The following NUFIP2 variants were observed in gnomAD, a reference collection of about 807,000 sequenced individuals.
The protein encoded by NUFIP2 is FMR1-interacting protein NUFIP2.
Under a neutral mutation model 56.9 loss-of-function variants are expected in NUFIP2, and 6 were observed. That is an observed-to-expected ratio of 0.11 (90% CI 0.06 to 0.21). The LOEUF is 0.21. Ranked by LOEUF, NUFIP2 falls within the 10% of genes least tolerant of loss-of-function variation. The pLI is 1.00. For missense variants in NUFIP2, 828 were observed against 826.8 expected (o/e 1.00, Z -0.02); for synonymous variants, 321 against 298.2 (o/e 1.08, Z -0.79).
intron 2 of NUFIP2, among the ~76,000 whole-genome samples, chr17:29,275,088 G>A (rs775900618): frequency 2.8e-4 from 43 of 151,526 alleles, no homozygotes; most frequent in Admixed American, 5.3e-4. Context: ...GCTCGATCTC[G>A]GCTCACTGCA....
At chr17:29,267,561 A>T in intron 2 of NUFIP2, 31 bp from the exon 3 acceptor site, 1 of 1,385,966 alleles carries the variant, frequency 7.2e-7, no homozygotes, top group Non-Finnish European at 1.0e-6. Flanking sequence ...TTACATACTA[A>T]GTTTTGGTGA....
At chr17:29,275,860 T>C (rs1567678281) in intron 2 of NUFIP2, among the ~76,000 whole-genome samples, 1 of 151,918 alleles carries the variant, frequency 6.6e-6, no homozygotes, top group Non-Finnish European at 1.5e-5. Flanking sequence ...AAACCCCGTC[T>C]CTACTAAAAA....
chr17:29,271,751 C>T (rs553893512), intron 2 of NUFIP2, among the ~76,000 whole-genome samples: 1 of 152,072 alleles, frequency 6.6e-6, no homozygotes, highest in East Asian at 1.9e-4. Context: ...TTGCATGATG[C>T]TATGCTTAAC....
At chr17:29,275,011 G>A (rs1388604660) in intron 2 of NUFIP2, among the ~76,000 whole-genome samples, 3 of 151,270 alleles carry the variant, frequency 2.0e-5, no homozygotes, top group South Asian at 2.1e-4. Flanking sequence ...GAATATATAC[G>A]GTCTGAACTC....
intron 2 of NUFIP2, among the ~76,000 whole-genome samples, chr17:29,275,804 G>C (rs968392673): frequency 1.3e-5 from 2 of 152,000 alleles, no homozygotes; most frequent in Non-Finnish European, 2.9e-5. Context: ...AAGGCGGGTG[G>C]ATCACTTGCG....
chr17:29,294,084 T>C lies in NUFIP2; in HGVS notation c.-25A>G, dbSNP rs2069237431. ...TTGAAAGCGGCTGGGACTCCCTGGCTGAGGCTGCGGGCTGCTGCACCGTCA... is the reference window on the plus strand; with the variant it reads ...TTGAAAGCGGCTGGGACTCCCTGGCCGAGGCTGCGGGCTGCTGCACCGTCA... On this transcript the variant is annotated 5_prime_UTR_variant, in exon 1 of 4. Coordinates refer to ENST00000225388, the MANE Select transcript of NUFIP2 (RefSeq NM_020772.3). 3.2e-6 allele frequency: 5 copies of C among 1,574,872 alleles called. No individual in the cohort carries two copies. Among genetic ancestry groups the C allele is most frequent in the African/African-American group, 1.3e-5 (1 of 74,580 alleles).
chr17:29,265,210 G>C (rs1429874357), intron 3 of NUFIP2, among the ~76,000 whole-genome samples: 1 of 152,138 alleles, frequency 6.6e-6, no homozygotes, highest in Admixed American at 6.5e-5. Flanking sequence ...TCTGGAAGAA[G>C]ACTCCAGGGT....
intron 1 of NUFIP2, among the ~76,000 whole-genome samples, chr17:29,292,085 A>G (rs1188082666): frequency 6.6e-6 from 1 of 152,152 alleles, no homozygotes; most frequent in Non-Finnish European, 1.5e-5. Context: ...TATTAAACTC[A>G]CTTCTCGTGA....
rs1296745178 is a variant in NUFIP2 at position 29,258,375 on chromosome 17, TTTGA to T, written c.*6160_*6163del. The T allele has an allele frequency of 1.3e-4, 20 of 152,164 alleles. No homozygotes were observed. Among genetic ancestry groups the T allele is most frequent in the African/African-American group, 4.8e-4 (20 of 41,430 alleles). 9.4% of individuals were successfully genotyped at this position (152,164 alleles called of 1,614,324 possible). ...AAAAGACAAGAGAAACAGCTGGAGTTTTGATTGATTTGATTTAAACTAAATCTGA... is the reference window on the plus strand; with the variant it reads ...AAAAGACAAGAGAAACAGCTGGAGTTTTGATTTGATTTAAACTAAATCTGA... On this transcript the variant is annotated 3_prime_UTR_variant, in exon 4 of 4. Coordinates refer to ENST00000225388, the MANE Select transcript of NUFIP2 (RefSeq NM_020772.3).
intron 2 of NUFIP2, among the ~76,000 whole-genome samples, chr17:29,272,240 C>CT (rs750900881): frequency 0.079 from 10,491 of 133,126 alleles, 572 homozygotes; most frequent in Non-Finnish European, 0.11. Flanking sequence ...GAAATGTGTT[C>CT]TTTTTTTTTT....
At chr17:29,264,644 C>T (rs902637663) in intron 3 of NUFIP2, 53 bp from the exon 4 acceptor site, 25 of 1,138,122 alleles carry the variant, frequency 2.2e-5, no homozygotes, top group Middle Eastern at 4.1e-4. Flanking sequence ...TCAAAATGCC[C>T]GTATTCCAAT....
At chr17:29,274,631 G>A (rs1359160046) in intron 2 of NUFIP2, among the ~76,000 whole-genome samples, 1 of 152,142 alleles carries the variant, frequency 6.6e-6, no homozygotes, top group Non-Finnish European at 1.5e-5. Flanking sequence ...GAGATTTAGA[G>A]AAAGAACATT....
chr17:29,294,101 G>C lies in NUFIP2; in HGVS notation c.-42C>G. 6.4e-7 allele frequency: 1 copy of C among 1,558,444 alleles called. No homozygotes were observed. The highest frequency in any genetic ancestry group is 8.7e-7 in the Non-Finnish European group (1 of 1,151,602). ...TCCCTGGCTGAGGCTGCGGGCTGCT[G>C]CACCGTCAGGATCTGAGACTGCTTC... On this transcript the variant is annotated 5_prime_UTR_variant, in exon 1 of 4. Coordinates refer to ENST00000225388, the MANE Select transcript of NUFIP2 (RefSeq NM_020772.3).
rs748104486 is a variant in NUFIP2 at position 29,286,625 on chromosome 17, T to C, written c.1369A>G (p.Met457Val). 1.9e-6 allele frequency: 3 copies of C among 1,614,196 alleles called. No individual in the cohort carries two copies. The highest frequency in any genetic ancestry group is 2.7e-5 in the African/African-American group (2 of 75,064). The change falls in exon 2 of 4, where the codon ATG (methionine) becomes GTG (valine). Residue 457 changes from methionine (M) to valine (V), a missense_variant. Met to Val is a conservative substitution (Grantham distance 21, BLOSUM62 1). This residue lies in a region of NUFIP2 where 404 missense variants were observed against 380.3 expected (regional missense o/e 1.06). Coordinates refer to ENST00000225388, the MANE Select transcript of NUFIP2 (RefSeq NM_020772.3). ...SSGTDSVLQD[M>V]SLTSAAVEQI... ...TCAACAGCTGCTGAAGTTAGACTCA[T>C]GTCCTGGAGAACTGAATCTGTCCCA...
chr17:29,287,597 T>C lies in NUFIP2; in HGVS notation c.397A>G (p.Thr133Ala). The change falls in exon 2 of 4, where the codon ACT (threonine) becomes GCT (alanine). Residue 133 changes from threonine (T) to alanine (A), a missense_variant. By Grantham distance (58) the Thr-to-Ala change is moderately conservative. This residue lies in a region of NUFIP2 where 415 missense variants were observed against 408.7 expected (regional missense o/e 1.02). Transcript: ENST00000225388. ...VLNGNQQVVD[T>A]SLKQTVKANT... ...GCCTTTACAGTCTGCTTCAGGCTAG[T>C]GTCTACAACTTGCTGGTTGCCATTG... 13 of 1,614,184 alleles carry C rather than the reference T, an allele frequency of 8.1e-6. No homozygotes were observed. Among genetic ancestry groups the C allele is most frequent in the East Asian group, 2.2e-5 (1 of 44,882 alleles).
In NUFIP2 at chr17:29,287,402, T is replaced by C. The variant is rs927950635; in HGVS notation, c.592A>G (p.Ile198Val). The C allele has an allele frequency of 6.2e-7, 1 of 1,614,052 alleles. No homozygotes were observed. The change falls in exon 2 of 4, where the codon ATT becomes GTT. Residue 198 changes from isoleucine (I) to valine (V), a missense_variant. Transcript: ENST00000225388. ...NGVVTNNSGY[I>V]TNGYMGKGAD... is the part of the protein sequence containing the mutation. ...CCTTTACCCATATAACCATTAGTAA[T>C]ATAACCAGAATTATTTGTTACCACA...
chr17:29,284,596 C>T (rs1204930440), intron 2 of NUFIP2, among the ~76,000 whole-genome samples: 4 of 146,608 alleles, frequency 2.7e-5, no homozygotes, highest in Admixed American at 1.4e-4. Context: ...ATCCCAGCTA[C>T]GTGGGAGGCT....
Position 29,287,365 on chromosome 17 carries a change from T to C in NUFIP2, c.629A>G (p.Asp210Gly). The C allele has an allele frequency of 6.2e-7, 1 of 1,614,150 alleles. No individual in the cohort carries two copies. The change falls in exon 2 of 4, where the codon GAT (aspartate) becomes GGT (glycine). Residue 210 changes from aspartate to glycine, a missense_variant. Physicochemically the swap from Asp to Gly is moderately conservative, Grantham distance 94. Coordinates refer to ENST00000225388, the MANE Select transcript of NUFIP2 (RefSeq NM_020772.3). ...ATATCCGCTCTCAGATCCACTACCA[T>C]CATTATCTGCTCCTTTACCCATATA... ...NGYMGKGADNDGSGSESGYTT... is the reference protein window; with the variant it reads ...NGYMGKGADNGGSGSESGYTT...
rs1598426928 is a variant in NUFIP2 at position 29,256,805 on chromosome 17, A to C, written c.*7734T>G. On this transcript the variant is annotated 3_prime_UTR_variant, in exon 4 of 4. Transcript: ENST00000225388. ...CTTGAACCAAATGTACCCAACTCCT[A>C]AACTTGTTCTAATCAGCTTGGGCAA... 6.6e-6 allele frequency: 1 copy of C among 152,224 alleles called. No individual in the cohort carries two copies. Among genetic ancestry groups the C allele is most frequent in the Admixed American group, 6.5e-5 (1 of 15,286 alleles). 9.4% of individuals were successfully genotyped at this position (152,224 alleles called of 1,614,324 possible). A position where few individuals can be genotyped will look rare whatever the true frequency, so the allele number is the denominator to read the frequency against.
Sources: gnomAD v4.1 joint callset for allele counts (sites outside exome capture counted in the v4.1 genomes callset) on GRCh38, gnomAD v4.1.1 for gene constraint, gnomAD v4.1.1 regional missense constraint, MANE v1.5 for transcripts, NCBI Gene and HGNC (gene_info 2026-07-23, HGNC 2026-07-21) for gene names.